Variants in BDP1 observed in about 807,000 individuals in gnomAD.
The protein encoded by BDP1 is transcription factor TFIIIB component B'' homolog.
BDP1 carries 169 observed loss-of-function variants against 266.6 expected under a neutral mutation model. The ratio of observed to expected loss-of-function variants is 0.63; its 90% CI spans 0.56 to 0.72. The LOEUF (loss-of-function observed/expected upper bound fraction) is 0.72, where lower values mean the gene tolerates loss of function less well. Among genes scored for constraint, BDP1 ranks in the 30% least tolerant of loss-of-function variants. The probability of loss-of-function intolerance (pLI) is 0.00; values close to 1 mark genes in which losing one functional copy is unlikely to be tolerated. For synonymous variants in BDP1, 1,090 were observed against 1,022.4 expected (o/e 1.07, Z -1.26); for missense variants, 3,015 against 3,053.8 (o/e 0.99, Z 0.30).
At chr5:71,538,345 G>A (rs1766762203) in intron 26 of BDP1, among the ~76,000 whole-genome samples, 1 of 152,174 alleles carries the variant, frequency 6.6e-6, no homozygotes, top group African/African-American at 2.4e-5. Context: ...GGGGACTGGG[G>A]GCCTTGTATT....
Position 71,514,955 on chromosome 5 carries a change from C to T in BDP1, c.4482C>T (p.Ser1494=). 1.2e-6 allele frequency: 2 copies of T among 1,602,864 alleles called. No homozygotes were observed. Among genetic ancestry groups the T allele is most frequent in the Non-Finnish European group, 1.7e-6 (2 of 1,176,802 alleles). ...TTTCTGTCTTCTAGGATGAAGCTTC[C>T]CTAATGATATCAAGAGAAAAAGACA... ...DTLPSQHDEA[S]LMISREKDTL... Residue 1494 remains serine, a synonymous_variant, in exon 20 of 39, where the codon TCC becomes TCT. Transcript: ENST00000358731.
Position 71,510,723 on chromosome 5 carries a change from G to A in BDP1, c.3631G>A (p.Glu1211Lys), listed in dbSNP as rs1365546250. The change falls in exon 17 of 39, where the codon GAA (glutamate) becomes AAA (lysine). Residue 1211 changes from glutamate to lysine, a missense_variant. Glu to Lys is a moderately conservative substitution (Grantham distance 56). Around this residue, in one of 3 missense-constraint regions of BDP1, gnomAD observed 2,383 missense variants for 2,404.9 expected, o/e 0.99. Transcript: ENST00000358731. ...EETEREISPQ[E>K]NGPEEVKPVG... ...AACTGAAAGAGAAATATCGCCACAG[G>A]AAAATGGCCCAGAGGAGGTCAAGCC... 1.2e-6 allele frequency: 2 copies of A among 1,614,038 alleles called. No homozygotes were observed. Among genetic ancestry groups the A allele is most frequent in the African/African-American group, 2.7e-5 (2 of 74,928 alleles).
At chr5:71,496,197 A>ATGCCACTGC (rs1763880566) in intron 12 of BDP1, among the ~76,000 whole-genome samples, 1 of 148,972 alleles carries the variant, frequency 6.7e-6, no homozygotes, top group Non-Finnish European at 1.5e-5. Flanking sequence ...AGCTGAGATC[A>ATGCCACTGC]TGCCACTGCA....
chr5:71,568,010 T>C (rs1388892038), downstream of BDP1, among the ~76,000 whole-genome samples: 1 of 151,916 alleles, frequency 6.6e-6, no homozygotes, highest in Non-Finnish European at 1.5e-5. Context: ...ACTGTGGTGG[T>C]GTGTGCTTTT....
At chr5:71,577,970 C>T in the BDP1 span, among the ~76,000 whole-genome samples, 1 of 152,158 alleles carries the variant, frequency 6.6e-6, no homozygotes, top group Admixed American at 6.5e-5. Flanking sequence ...CAGCATTCCA[C>T]TGGAGGCTAC....
Position 71,516,268 on chromosome 5 carries a change from T to C in BDP1, c.4857T>C (p.Thr1619=). 2 of 1,608,554 alleles carry C rather than the reference T, an allele frequency of 1.2e-6. No individual in the cohort carries two copies. Among genetic ancestry groups the C allele is most frequent in the East Asian group, 2.2e-5 (1 of 44,678 alleles). Residue 1619 remains threonine, a synonymous_variant, in exon 21 of 39, where the codon ACT becomes ACC. Coordinates refer to ENST00000358731, the MANE Select transcript of BDP1 (RefSeq NM_018429.3). ...PKDETEKKVL[T]VSNSQIETEI... Reference sequence around the variant, plus strand: ...ATGAAACTGAAAAGAAAGTCTTAACTGTGGTGAGTTATTGTTATGTAATTA... The same window carrying C: ...ATGAAACTGAAAAGAAAGTCTTAACCGTGGTGAGTTATTGTTATGTAATTA...
Position 71,511,423 on chromosome 5 carries a change from G to A in BDP1, c.4059+272G>A, listed in dbSNP as rs536536341. ...ACTTGAGCCCAGGAGTTTGAGACCAGCCTGGGCAACATAGAGAGACCTTGT... is the reference window on the plus strand; with the variant it reads ...ACTTGAGCCCAGGAGTTTGAGACCAACCTGGGCAACATAGAGAGACCTTGT... On this transcript the variant is annotated intron_variant, in intron 17 of 38. Coordinates refer to ENST00000358731, the MANE Select transcript of BDP1 (RefSeq NM_018429.3). The A allele has an allele frequency of 4.3e-5, 15 of 348,924 alleles. No individual in the cohort carries two copies. The South Asian group carries it at 1.3e-3, about 30-fold the overall frequency. 21.6% of individuals were successfully genotyped at this position (348,924 alleles called of 1,614,324 possible). A position where few individuals can be genotyped will look rare whatever the true frequency, so the allele number is the denominator to read the frequency against.
the BDP1 span, among the ~76,000 whole-genome samples, chr5:71,577,222 ACTT>A: frequency 5.9e-5 from 9 of 152,310 alleles, no homozygotes; most frequent in Admixed American, 2.0e-4. Context: ...ATTTTGTGAA[ACTT>A]CTTCTAACTC....
intron 7 of BDP1, among the ~76,000 whole-genome samples, chr5:71,481,391 GA>G (rs58798987): frequency 0.38 from 24,095 of 63,426 alleles, 2,293 homozygotes; most frequent in South Asian, 0.43. Flanking sequence ...TCTCTACAAA[GA>G]AAAAAAAAAA....
rs1403946030 is a variant in BDP1, at chr5:71,458,710, C to G, written c.344C>G (p.Ser115Cys). The G allele has an allele frequency of 6.2e-7, 1 of 1,614,174 alleles. No individual in the cohort carries two copies. The highest frequency in any genetic ancestry group is 8.5e-7 in the Non-Finnish European group (1 of 1,180,026). Residue 115 changes from serine to cysteine, a missense_variant, in exon 2 of 39, where the codon TCT (serine) becomes TGT (cysteine). By Grantham distance (112) the Ser-to-Cys change is moderately radical. Transcript: ENST00000358731. ...VKSSVSVPSE[S>C]HPLSTINQEA... The stretch of plus-strand genomic sequence containing the variant: ...TCTAGTGTCAGTGTTCCTTCAGAAT[C>G]TCATCCCTTATCTACAATTAATCAA...
At chr5:71,477,201 G>T (rs932835675) in intron 7 of BDP1, among the ~76,000 whole-genome samples, 2 of 149,448 alleles carry the variant, frequency 1.3e-5, no homozygotes, top group South Asian at 2.1e-4. Context: ...TTTGTTGCTC[G>T]GGCTGGAGTG....
chr5:71,472,884 CTCTCTT>C, intron 7 of BDP1, among the ~76,000 whole-genome samples: 1 of 129,554 alleles, frequency 7.7e-6, no homozygotes, highest in Non-Finnish European at 1.6e-5. Context: ...TTTTCTCTCT[CTCTCTT>C]TTTTTTTTTT....
chr5:71,511,250 A>G (rs760400038), intron 17 of BDP1, 99 bp downstream of exon 17: 20 of 1,161,104 alleles, frequency 1.7e-5, no homozygotes, highest in Middle Eastern at 4.2e-4. Flanking sequence ...ACAACACTTA[A>G]AAATCTCTAA....
At chr5:71,531,216 C>A (rs773326314) in intron 25 of BDP1, among the ~76,000 whole-genome samples, 2 of 152,098 alleles carry the variant, frequency 1.3e-5, no homozygotes, top group Admixed American at 6.6e-5. Flanking sequence ...ATCATCGCAC[C>A]ACCGCAGCTG....
At chr5:71,552,666 GA>G (rs1293584306) in intron 34 of BDP1, among the ~76,000 whole-genome samples, 2 of 152,246 alleles carry the variant, frequency 1.3e-5, no homozygotes, top group Non-Finnish European at 2.9e-5. Context: ...AAAAAAATAC[GA>G]AAACCAGTCA....
chr5:71,470,928 C>T lies in BDP1; in HGVS notation c.1014+439C>T, dbSNP rs377268731. On this transcript the variant is annotated intron_variant, in intron 7 of 38. Coordinates refer to ENST00000358731, the MANE Select transcript of BDP1 (RefSeq NM_018429.3). ...TTAAACTGTTATGATGGTTTTGTTA[C>T]ATTTATCCCTCTTTATTGAAAAGTA... 9.9e-5 allele frequency among the ~76,000 whole-genome samples: 15 copies of T among 150,860 alleles called. 1 individual carries two copies. Among genetic ancestry groups the T allele is most frequent in the African/African-American group, 3.7e-4 (15 of 41,022 alleles).
rs1157502618 is a variant in BDP1 at position 71,566,390 on chromosome 5, A to G, written c.*1505A>G. On this transcript the variant is annotated 3_prime_UTR_variant, in exon 39 of 39. Transcript: ENST00000358731. Reference sequence around the variant, plus strand: ...TATAAAGTTAATGATTATCATCAGTATGAATTTAAGGTTTGTTTTAATTTC... The same window carrying G: ...TATAAAGTTAATGATTATCATCAGTGTGAATTTAAGGTTTGTTTTAATTTC... 1 of 152,252 alleles carries G rather than the reference A, an allele frequency of 6.6e-6. No individual in the cohort carries two copies. The highest frequency in any genetic ancestry group is 2.4e-5 in the African/African-American group (1 of 41,456). 9.4% of individuals were successfully genotyped at this position (152,252 alleles called of 1,614,324 possible). A position where few individuals can be genotyped will look rare whatever the true frequency, so the allele number is the denominator to read the frequency against.
Position 71,524,174 on chromosome 5 carries a change from G to C in BDP1, c.5623G>C (p.Asp1875His), listed in dbSNP as rs201260888. ...GACTCTTCGGGCTTCCCAGGAAGAA[G>C]ATGATGATGCTGACGATTTTGAGTC... The part of the protein sequence containing the change: ...LVTLRASQEE[D>H]DDADDFESDY... The change falls in exon 25 of 39, where the codon GAT (aspartate) becomes CAT (histidine). Residue 1875 changes from aspartate to histidine, a missense_variant. By Grantham distance (81) the Asp-to-His change is moderately conservative (BLOSUM62 -1). This residue lies in a region of BDP1 where 2,383 missense variants were observed against 2,404.9 expected (regional missense o/e 0.99). Transcript: ENST00000358731. 24 of 1,614,090 alleles carry C rather than the reference G, an allele frequency of 1.5e-5. No individual in the cohort carries two copies. The East Asian group carries it at 5.3e-4, about 36-fold the overall frequency.
chr5:71,517,731 TTAA>T (rs1266700919), intron 22 of BDP1, among the ~76,000 whole-genome samples: 7 of 152,094 alleles, frequency 4.6e-5, no homozygotes, highest in African/African-American at 1.7e-4. Context: ...AACTAAATTT[TTAA>T]TAGTAGACAA....
Sources: gnomAD v4.1 joint callset for allele counts (sites outside exome capture counted in the v4.1 genomes callset) on GRCh38, gnomAD v4.1.1 for gene constraint, gnomAD v4.1.1 regional missense constraint, MANE v1.5 for transcripts, NCBI Gene and HGNC (gene_info 2026-07-23, HGNC 2026-07-21) for gene names.